Variants in UNC13A observed in about 807,000 individuals in gnomAD.
UNC13A encodes protein unc-13 homolog A.
A neutral mutation model predicts 219.7 loss-of-function variants in UNC13A; 61 were observed. The ratio of observed to expected loss-of-function variants is 0.28; its 90% CI spans 0.23 to 0.34. UNC13A has a LOEUF of 0.34. Among genes scored for constraint, UNC13A ranks in the 10% least tolerant of loss-of-function variants. The probability of loss-of-function intolerance (pLI) is 1.00; values close to 1 mark genes in which losing one functional copy is unlikely to be tolerated. For synonymous variants in UNC13A, 920 were observed against 884.6 expected (o/e 1.04, Z -0.71); for missense variants, 1,476 against 2,270.3 (o/e 0.65, Z 7.11).
chr19:17,635,802 A>G (rs1263327259), intron 26 of UNC13A, among the ~76,000 whole-genome samples: 1 of 152,200 alleles, frequency 6.6e-6, no homozygotes, highest in African/African-American at 2.4e-5. Context: ...TACAAAATAC[A>G]TGTCTGATTA....
chr19:17,604,990 T>C lies in UNC13A; in HGVS notation c.*1064A>G, dbSNP rs2076505921. The stretch of plus-strand genomic sequence containing the variant: ...GATGGAGAAACCTGGGACCAGGGGA[T>C]CCCAAATTCTCTTTTGTGGTGGGAG... On this transcript the variant is annotated 3_prime_UTR_variant, in exon 44 of 44. Transcript: ENST00000519716. 6.6e-6 allele frequency: 1 copy of C among 152,626 alleles called. No homozygotes were observed. The highest frequency in any genetic ancestry group is 2.4e-5 in the African/African-American group (1 of 41,442). The allele number at this position is 152,626 out of a possible 1,614,324, so 9.5% of individuals were successfully genotyped here. A position where few individuals can be genotyped will look rare whatever the true frequency, so the allele number is the denominator to read the frequency against.
At position 17,674,811 on chromosome 19, in the gene UNC13A, CT is replaced by C; in HGVS notation, c.53-56del. Reference sequence around the variant, plus strand: ...GGGGCTCAGGGACTCTCCAATGCCCCTTCCCAAGCTCTAGACCATCTGCTGT... The same window carrying C: ...GGGGCTCAGGGACTCTCCAATGCCCCTCCCAAGCTCTAGACCATCTGCTGT... On this transcript the variant is annotated intron_variant, in intron 2 of 43. Transcript: ENST00000519716. This position sits in a 1 kb window ranked among gnomAD's most constrained non-coding sequence, Gnocchi z 5.0. 6.9e-7 allele frequency: 1 copy of C among 1,457,508 alleles called. No individual in the cohort carries two copies. The allele number at this position is 1,457,508 out of a possible 1,614,324, so 90.3% of individuals were successfully genotyped here.
At chr19:17,618,533 G>A (rs2076692849) in intron 39 of UNC13A, 32 bp from the exon 40 acceptor site, 1 of 1,564,094 alleles carries the variant, frequency 6.4e-7, no homozygotes, top group Non-Finnish European at 8.7e-7. Context: ...CCATGTGGGT[G>A]GAGTGGGCTC....
intron 9 of UNC13A, among the ~76,000 whole-genome samples, chr19:17,657,278 CGTT>C (rs1169561008): frequency 6.6e-6 from 1 of 152,200 alleles, no homozygotes; most frequent in African/African-American, 2.4e-5. Context: ...CTGGCCACCT[CGTT>C]GTCTCTCCAA....
intron 28 of UNC13A, 145 bp downstream of exon 28, chr19:17,632,637 G>A (rs1399693082): frequency 2.5e-6 from 3 of 1,203,782 alleles, no homozygotes; most frequent in African/African-American, 3.0e-5. Context: ...CTCAATGGCT[G>A]AGAGTGGAGA....
At chr19:17,658,396 G>A in intron 8 of UNC13A, 127 bp from the exon 9 acceptor site, 1 of 873,254 alleles carries the variant, frequency 1.1e-6, no homozygotes, top group Non-Finnish European at 1.8e-6. Flanking sequence ...TATGGATAAA[G>A]AATTGTGGGT....
intron 36 of UNC13A, 70 bp from the exon 37 acceptor site, chr19:17,621,940 G>GGAAT: frequency 6.6e-7 from 1 of 1,517,702 alleles, no homozygotes; most frequent in Admixed American, 1.7e-5. Context: ...GATGCTCACA[G>GGAAT]GAATATTCAT....
At chr19:17,631,209 T>C (rs1307510113) in intron 28 of UNC13A, among the ~76,000 whole-genome samples, 11,673 of 46,462 alleles carry the variant, frequency 0.25, 2,355 homozygotes, top group African/African-American at 0.32. Context: ...CCTCCCTTCC[T>C]TCCTTCCTTC....
chr19:17,624,767 T>C (rs554092995), intron 35 of UNC13A, 62 bp downstream of exon 35: 2 of 1,549,176 alleles, frequency 1.3e-6, no homozygotes, highest in South Asian at 2.4e-5. Flanking sequence ...AGGCACCAAG[T>C]TTTCTGGGCT....
intron 41 of UNC13A, 81 bp downstream of exon 41, chr19:17,617,621 G>A: frequency 6.4e-7 from 1 of 1,569,066 alleles, no homozygotes; most frequent in Non-Finnish European, 8.7e-7. Flanking sequence ...ACAGGGGAGT[G>A]AGCCAATGGC....
At chr19:17,631,206 T>C (rs868088059) in intron 28 of UNC13A, among the ~76,000 whole-genome samples, 2,259 of 34,116 alleles carry the variant, frequency 0.066, 163 homozygotes, top group African/African-American at 0.12. Context: ...CTCCCTCCCT[T>C]CCTTCCTTCC....
rs78633222 is a variant in UNC13A at position 17,627,968 on chromosome 19, A to C, written c.3754-28T>G. The stretch of plus-strand genomic sequence containing the variant: ...GTGGGTGGGAACAGAGAGGGGAGTC[A>C]AGCCTCAGGACCTCTCCCCAGAGCC... On this transcript the variant is annotated intron_variant, in intron 31 of 43. Transcript: ENST00000519716. The surrounding 1 kb of genome is among the most constrained non-coding windows in gnomAD (Gnocchi z 4.7). 4.7e-3 allele frequency: 7,321 copies of C among 1,567,452 alleles called. 291 individuals are homozygous for C. The African/African-American group carries it at 0.089, about 19-fold the overall frequency.
chr19:17,628,400 A>G, intron 31 of UNC13A: 1 of 187,358 alleles, frequency 5.3e-6, no homozygotes. Context: ...CCATAGACAC[A>G]CACTCACACC....
At chr19:17,682,026 C>T (rs1165032506) in intron 1 of UNC13A, among the ~76,000 whole-genome samples, 1 of 150,704 alleles carries the variant, frequency 6.6e-6, no homozygotes, top group Non-Finnish European at 1.5e-5. Flanking sequence ...GACCTCGGCT[C>T]ACTGCAACCT....
intron 41 of UNC13A, chr19:17,614,164 C>T (rs1244750127): frequency 6.6e-6 from 1 of 151,956 alleles, no homozygotes; most frequent in African/African-American, 2.4e-5. Flanking sequence ...CACCAACACG[C>T]CTGGCTAATT....
intron 20 of UNC13A, among the ~76,000 whole-genome samples, chr19:17,642,348 C>T (rs1256189919): frequency 6.6e-6 from 1 of 152,128 alleles, no homozygotes. Flanking sequence ...TCTGTCCATC[C>T]ATCCATCATC....
chr19:17,621,554 G>T (rs1025919686), intron 37 of UNC13A, among the ~76,000 whole-genome samples: 1 of 152,114 alleles, frequency 6.6e-6, no homozygotes, highest in Non-Finnish European at 1.5e-5. Context: ...TTTCAGCTGA[G>T]CCCAGGGCTC....
Position 17,683,821 on chromosome 19 carries a change from G to A in UNC13A, c.22+4357C>T, listed in dbSNP as rs1043814133. Among the ~76,000 whole-genome samples, 4 of 152,210 alleles carry A rather than the reference G, an allele frequency of 2.6e-5. No homozygotes were observed. In the East Asian group the frequency reaches 7.7e-4, roughly 29 times the overall value. On this transcript the variant is annotated intron_variant, in intron 1 of 43. Coordinates refer to ENST00000519716, the MANE Select transcript of UNC13A (RefSeq NM_001080421.3). The stretch of plus-strand genomic sequence containing the variant: ...TTTAAAACATCAGTTGGGCGTGGTG[G>A]CTCACACCTGTAATCCTAGCACTTT...
intron 1 of UNC13A, among the ~76,000 whole-genome samples, chr19:17,683,104 G>A (rs1019579439): frequency 6.6e-6 from 1 of 152,056 alleles, no homozygotes. Flanking sequence ...CAATCCCAGG[G>A]CAGAACATCA....
Sources: gnomAD v4.1 joint callset for allele counts (sites outside exome capture counted in the v4.1 genomes callset) on GRCh38, gnomAD v4.1.1 for gene constraint, Gnocchi (gnomAD v3.1) non-coding constraint, MANE v1.5 for transcripts, NCBI Gene and HGNC (gene_info 2026-07-23, HGNC 2026-07-21) for gene names.